SCN8A: variants seen among roughly 807,000 people sequenced by gnomAD.
SCN8A encodes the protein sodium voltage-gated channel alpha subunit 8, also known as sodium channel protein type 8 subunit alpha.
A neutral mutation model predicts 184.1 loss-of-function variants in SCN8A; 30 were observed. The ratio of observed to expected loss-of-function variants is 0.16; its 90% CI spans 0.12 to 0.22. The LOEUF (loss-of-function observed/expected upper bound fraction) is 0.22. SCN8A is among the 10% of genes least tolerant of loss of function. SCN8A has a pLI of 1.00. For missense variants in SCN8A, 1,057 were observed against 2,498.9 expected (o/e 0.42, Z 12.30); for synonymous variants, 852 against 907.0 (o/e 0.94, Z 1.09).
At chr12:51,760,861 A>G (rs1942752476) in intron 14 of SCN8A, among the ~76,000 whole-genome samples, 1 of 152,164 alleles carries the variant, frequency 6.6e-6, no homozygotes. Context: ...TAGGCCACTT[A>G]TCCATTTTGA....
chr12:51,805,955 A>G (rs1035620570), intron 26 of SCN8A, among the ~76,000 whole-genome samples: 1 of 152,134 alleles, frequency 6.6e-6, no homozygotes, highest in African/African-American at 2.4e-5. Context: ...CTGCCTCCCA[A>G]GTAACTGGAA....
At chr12:51,606,990 C>T (rs530945561) in intron 1 of SCN8A, among the ~76,000 whole-genome samples, 71 of 151,918 alleles carry the variant, frequency 4.7e-4, no homozygotes, top group African/African-American at 1.6e-3. Flanking sequence ...CTCTGCCTCC[C>T]GGGCTCAAGC....
chr12:51,732,649 T>G (rs2054371146), intron 12 of SCN8A, among the ~76,000 whole-genome samples: 1 of 152,190 alleles, frequency 6.6e-6, no homozygotes, highest in South Asian at 2.1e-4. Flanking sequence ...AATCTGTAGC[T>G]TGCTTTGACT....
At chr12:51,652,872 G>A (rs1940746045) in intron 1 of SCN8A, among the ~76,000 whole-genome samples, 1 of 152,140 alleles carries the variant, frequency 6.6e-6, no homozygotes. Flanking sequence ...TACTACCTCA[G>A]AAGACTATAA....
At chr12:51,761,141 C>T (rs777270555) in intron 14 of SCN8A, among the ~76,000 whole-genome samples, 1 of 152,014 alleles carries the variant, frequency 6.6e-6, no homozygotes, top group African/African-American at 2.4e-5. Flanking sequence ...TATGGTTAGC[C>T]TAGAATGAAG....
intron 26 of SCN8A, among the ~76,000 whole-genome samples, chr12:51,801,496 C>T (rs575989809): frequency 2.6e-5 from 4 of 152,174 alleles, no homozygotes; most frequent in African/African-American, 4.8e-5. Flanking sequence ...GGATCCCTTC[C>T]TCTACATTAA....
At chr12:51,787,306 T>C (rs986517598) in intron 22 of SCN8A, among the ~76,000 whole-genome samples, 7 of 152,222 alleles carry the variant, frequency 4.6e-5, no homozygotes, top group African/African-American at 1.7e-4. Flanking sequence ...GAGAAAGGTA[T>C]CAGATTAATG....
chr12:51,731,719 C>T (rs1291375553), intron 12 of SCN8A, among the ~76,000 whole-genome samples: 11 of 152,054 alleles, frequency 7.2e-5, no homozygotes, highest in Admixed American at 7.2e-4. Context: ...TCTCCACATC[C>T]TCTCCAGCAT....
chr12:51,676,339 A>G (rs1328887870), intron 2 of SCN8A, among the ~76,000 whole-genome samples: 1 of 152,254 alleles, frequency 6.6e-6, no homozygotes, highest in East Asian at 1.9e-4. Context: ...AGCATAAATC[A>G]GGATTCTTTT....
chr12:51,625,800 G>T (rs775708131), intron 1 of SCN8A, among the ~76,000 whole-genome samples: 2 of 152,154 alleles, frequency 1.3e-5, no homozygotes, highest in African/African-American at 2.4e-5. Flanking sequence ...TATCTAATAC[G>T]GAAGGTGAGA....
intron 12 of SCN8A, among the ~76,000 whole-genome samples, chr12:51,744,517 C>T (rs756131782): frequency 1.6e-4 from 24 of 151,814 alleles, no homozygotes; most frequent in Middle Eastern, 3.4e-3. Flanking sequence ...TTTTTTTTTC[C>T]TGTATTTCTT....
At chr12:51,682,716 C>CA (rs911387474) in intron 2 of SCN8A, among the ~76,000 whole-genome samples, 11 of 152,194 alleles carry the variant, frequency 7.2e-5, no homozygotes, top group Middle Eastern at 3.4e-3. Flanking sequence ...TTTATTTGGC[C>CA]ATTTGCTCTT....
Position 51,807,571 on chromosome 12 carries a change from G to GT in SCN8A, c.*143dup, listed in dbSNP as rs1158216467. ...ATACCAAACGTCGTCTGCTTACCAC[G>GT]TAACACAGCTGCATCTTGAGCAGTG... On this transcript the variant is annotated 3_prime_UTR_variant, in exon 27 of 27. Coordinates refer to ENST00000627620, the MANE Select transcript of SCN8A (RefSeq NM_001330260.2). The surrounding 1 kb of genome is among the most constrained non-coding windows in gnomAD (Gnocchi z 4.5). 2.0e-5 allele frequency: 18 copies of GT among 881,750 alleles called. No homozygotes were observed. Among genetic ancestry groups the GT allele is most frequent in the Non-Finnish European group, 3.0e-5 (17 of 563,446 alleles). The allele number at this position is 881,750 out of a possible 1,614,324, so 54.6% of individuals were successfully genotyped here. A position where few individuals can be genotyped will look rare whatever the true frequency, so the allele number is the denominator to read the frequency against.
At chr12:51,718,636 A>G (rs71449816) in intron 11 of SCN8A, among the ~76,000 whole-genome samples, 1 of 152,242 alleles carries the variant, frequency 6.6e-6, no homozygotes, top group Non-Finnish European at 1.5e-5. Context: ...AGATCATGTG[A>G]TTGAACATTT....
At chr12:51,604,204 T>C (rs897946735) in intron 1 of SCN8A, among the ~76,000 whole-genome samples, 3 of 152,222 alleles carry the variant, frequency 2.0e-5, no homozygotes, top group African/African-American at 7.2e-5. Context: ...TACCTTTAGA[T>C]CTGTGATCCA....
At chr12:51,722,172 C>G in intron 12 of SCN8A, 1 of 571,036 alleles carries the variant, frequency 1.8e-6, no homozygotes, top group Non-Finnish European at 3.1e-6. Context: ...TTTTCCCCAT[C>G]TTCCCTCCTT....
At chr12:51,680,538 G>A (rs1236780070) in intron 2 of SCN8A, among the ~76,000 whole-genome samples, 1 of 151,990 alleles carries the variant, frequency 6.6e-6, no homozygotes, top group African/African-American at 2.4e-5. Context: ...AACAACATAA[G>A]CATTTGTTCA....
rs1941467799 is a variant in SCN8A at position 51,689,193 on chromosome 12, T to TAATG, written c.706+98_706+101dup. 8.7e-6 allele frequency: 8 copies of TAATG among 920,568 alleles called. No individual in the cohort carries two copies. The East Asian group carries it at 2.1e-4, about 24-fold the overall frequency. 57.0% of individuals were successfully genotyped at this position (920,568 alleles called of 1,614,324 possible). Reference sequence around the variant, plus strand: ...TCTAAAGCAGCATCAGTACAGTTGATAATGGCCTTGCATTCTGCATGTTTT... The same window carrying TAATG: ...TCTAAAGCAGCATCAGTACAGTTGATAATGAATGGCCTTGCATTCTGCATGTTTT... On this transcript the variant is annotated intron_variant, in intron 6 of 26. Coordinates refer to ENST00000627620, the MANE Select transcript of SCN8A (RefSeq NM_001330260.2).
In SCN8A at chr12:51,706,682, C is replaced by T; in HGVS notation, c.1602C>T (p.Asn534=). The change falls in exon 11 of 27, where the codon AAC becomes AAT. Residue 534 remains asparagine, a synonymous_variant. Transcript: ENST00000627620. ...GGAAGGCCTTTCGGCTGCCAGACAA[C>T]AGAATAGGGAGGAAATTTTCCATCA... ...MRRKAFRLPD[N]RIGRKFSIMN... 1 of 1,570,034 alleles carries T rather than the reference C, an allele frequency of 6.4e-7. No individual in the cohort carries two copies. Among genetic ancestry groups the T allele is most frequent in the Non-Finnish European group, 8.6e-7 (1 of 1,162,542 alleles).
Sources: gnomAD v4.1 joint callset for allele counts (sites outside exome capture counted in the v4.1 genomes callset) on GRCh38, gnomAD v4.1.1 for gene constraint, Gnocchi (gnomAD v3.1) non-coding constraint, MANE v1.5 for transcripts, NCBI Gene and HGNC (gene_info 2026-07-23, HGNC 2026-07-21) for gene names.